The following TBC1D19 variants were observed in gnomAD, a reference collection of about 807,000 sequenced individuals.
TBC1D19 encodes TBC1 domain family member 19.
Under a neutral mutation model 89.0 loss-of-function variants are expected in TBC1D19, and 60 were observed. The ratio of observed to expected loss-of-function variants is 0.67; its 90% CI spans 0.55 to 0.84. The LOEUF is 0.84. Among genes scored for constraint, TBC1D19 ranks in the 40% least tolerant of loss-of-function variants. The probability of loss-of-function intolerance (pLI) is 0.00; values close to 1 mark genes in which losing one functional copy is unlikely to be tolerated. For missense variants in TBC1D19, 500 were observed against 610.8 expected, an observed-to-expected ratio of 0.82 and a Z score of 1.91; for synonymous variants, 189 against 199.7, an observed-to-expected ratio of 0.95 and a Z score of 0.45.
intron 9 of TBC1D19, among the ~76,000 whole-genome samples, chr4:26,669,243 A>T (rs531062235): frequency 1.1e-4 from 16 of 152,000 alleles, no homozygotes; most frequent in African/African-American, 3.9e-4. Flanking sequence ...TGTTATACTC[A>T]GGAGCACTCA....
the TBC1D19 span, among the ~76,000 whole-genome samples, chr4:26,827,287 A>G: frequency 6.6e-6 from 1 of 152,166 alleles, no homozygotes; most frequent in South Asian, 2.1e-4. Context: ...CTTCTTCATC[A>G]CCAAATCTAT....
At position 26,741,286 on chromosome 4, in the gene TBC1D19, G is replaced by A. The variant is rs1718356957; in HGVS notation, c.1228-1222G>A. 2.0e-5 allele frequency among the ~76,000 whole-genome samples: 3 copies of A among 147,030 alleles called. No homozygotes were observed. In the Admixed American group the frequency reaches 2.1e-4, roughly 10 times the overall value. On this transcript the variant is annotated intron_variant, in intron 17 of 20. Transcript: ENST00000264866. ...CAGGAGAATGGCGTGAACCCGGGAAGCGGAGCTTGCAGTGAGCCGAGATTG... is the reference window on the plus strand; with the variant it reads ...CAGGAGAATGGCGTGAACCCGGGAAACGGAGCTTGCAGTGAGCCGAGATTG...
At chr4:26,576,856 G>T (rs1738985715) in intron 1 of TBC1D19, 1 of 456,016 alleles carries the variant, frequency 2.2e-6, no homozygotes, top group Admixed American at 2.3e-5. Context: ...TGAACCTGTT[G>T]TATCTGTTGG....
At chr4:26,832,301 G>A in the TBC1D19 span, among the ~76,000 whole-genome samples, 19 of 151,906 alleles carry the variant, frequency 1.3e-4, no homozygotes, top group South Asian at 3.7e-3. Context: ...TCCTCCACAG[G>A]TAGAATTCTG....
At position 26,742,407 on chromosome 4, in the gene TBC1D19, A is replaced by G. The variant is rs1250985118; in HGVS notation, c.1228-101A>G. Reference sequence around the variant, plus strand: ...CTCTTAAACAGTATAAAGAAAATTTATGTTGATAGTTTCTCATTTTCCATT... The same window carrying G: ...CTCTTAAACAGTATAAAGAAAATTTGTGTTGATAGTTTCTCATTTTCCATT... On this transcript the variant is annotated intron_variant, in intron 17 of 20. Transcript: ENST00000264866. 7 of 959,570 alleles carry G rather than the reference A, an allele frequency of 7.3e-6. 1 individual carries two copies. Among genetic ancestry groups the G allele is most frequent in the South Asian group, 6.0e-5 (3 of 49,812 alleles). 59.4% of individuals were successfully genotyped at this position (959,570 alleles called of 1,614,324 possible).
chr4:26,613,929 A>G (rs1741522614), intron 2 of TBC1D19, among the ~76,000 whole-genome samples: 1 of 152,324 alleles, frequency 6.6e-6, no homozygotes, highest in Admixed American at 6.5e-5. Flanking sequence ...GATAGTTAGC[A>G]GCTGAGCTAA....
At chr4:26,615,939 G>A (rs933598842) in intron 3 of TBC1D19, among the ~76,000 whole-genome samples, 4 of 152,074 alleles carry the variant, frequency 2.6e-5, no homozygotes, top group South Asian at 2.1e-4. Context: ...AAATTGTTCT[G>A]TGTGACCTAC....
At chr4:26,828,079 T>C in the TBC1D19 span, among the ~76,000 whole-genome samples, 1 of 152,208 alleles carries the variant, frequency 6.6e-6, no homozygotes, top group South Asian at 2.1e-4. Flanking sequence ...GACTCTGGCT[T>C]TCCTTAGGCG....
intron 1 of TBC1D19, among the ~76,000 whole-genome samples, chr4:26,610,995 C>G (rs936291316): frequency 6.6e-6 from 1 of 152,066 alleles, no homozygotes; most frequent in African/African-American, 2.4e-5. Flanking sequence ...AATGGTAGTT[C>G]TGTTTTAAGT....
chr4:26,700,021 A>G (rs1002643652), intron 13 of TBC1D19, among the ~76,000 whole-genome samples: 1 of 152,106 alleles, frequency 6.6e-6, no homozygotes, highest in African/African-American at 2.4e-5. Context: ...ATAATAATAA[A>G]AAAGAAATTA....
chr4:26,708,291 C>T (rs888113330), intron 13 of TBC1D19, among the ~76,000 whole-genome samples: 4 of 151,918 alleles, frequency 2.6e-5, no homozygotes, highest in African/African-American at 9.7e-5. Context: ...ATATGTCAGC[C>T]CATTGCTTGT....
intron 4 of TBC1D19, among the ~76,000 whole-genome samples, chr4:26,621,265 C>G (rs1577817526): frequency 6.6e-6 from 1 of 151,998 alleles, no homozygotes; most frequent in African/African-American, 2.4e-5. Flanking sequence ...TAGCACATGC[C>G]CCTAGCTCTT....
At chr4:26,599,950 C>CA (rs36092049) in intron 1 of TBC1D19, among the ~76,000 whole-genome samples, 1,148 of 72,588 alleles carry the variant, frequency 0.016, 1 homozygote, top group East Asian at 0.024. Flanking sequence ...TCTGTCTCTC[C>CA]AAAAAAAAAA....
intron 7 of TBC1D19, among the ~76,000 whole-genome samples, chr4:26,640,735 C>G (rs1002395308): frequency 6.6e-6 from 1 of 152,212 alleles, no homozygotes; most frequent in African/African-American, 2.4e-5. Context: ...TCTTAGCAAA[C>G]GGCACACCAG....
At chr4:26,856,343 T>C in the TBC1D19 span, among the ~76,000 whole-genome samples, 2 of 152,256 alleles carry the variant, frequency 1.3e-5, no homozygotes, top group Non-Finnish European at 2.9e-5. Context: ...CCACTGTGTG[T>C]ATATATACCC....
intron 13 of TBC1D19, among the ~76,000 whole-genome samples, chr4:26,697,907 A>G (rs1412858613): frequency 2.0e-5 from 3 of 152,208 alleles, no homozygotes; most frequent in Non-Finnish European, 4.4e-5. Flanking sequence ...CCAATATCAT[A>G]TTGAATGGGC....
chr4:26,777,178 A>C, the TBC1D19 span, among the ~76,000 whole-genome samples: 3 of 140,104 alleles, frequency 2.1e-5, no homozygotes, highest in African/African-American at 8.1e-5. Flanking sequence ...CTTGTTGCCC[A>C]GGATGGAGTG....
the TBC1D19 span, among the ~76,000 whole-genome samples, chr4:26,827,644 G>T: frequency 1.3e-5 from 2 of 151,936 alleles, no homozygotes; most frequent in East Asian, 3.9e-4. Context: ...CACCTACTCA[G>T]CCCTAACTTC....
chr4:26,720,271 C>A, intron 15 of TBC1D19, 146 bp downstream of exon 15: 1 of 619,982 alleles, frequency 1.6e-6, no homozygotes, highest in Non-Finnish European at 2.6e-6. Flanking sequence ...TTAATGAAAT[C>A]CTCCACATTT....
Sources: allele counts gnomAD v4.1 joint callset (sites outside exome capture counted in the v4.1 genomes callset), GRCh38; gene constraint gnomAD v4.1.1; transcripts MANE v1.5; gene names NCBI Gene and HGNC (gene_info 2026-07-23, HGNC 2026-07-21).